The following SH3PXD2B variants were observed in gnomAD, a reference collection of about 807,000 sequenced individuals.
SH3PXD2B encodes SH3 and PX domain-containing protein 2B.
A neutral mutation model predicts 73.1 loss-of-function variants in SH3PXD2B; 37 were observed. The ratio of observed to expected loss-of-function variants is 0.51; its 90% confidence interval spans 0.39 to 0.67. The LOEUF (loss-of-function observed/expected upper bound fraction) is 0.67. Among genes scored for constraint, SH3PXD2B ranks in the 30% least tolerant of loss-of-function variants. The pLI is 0.00. For missense variants in SH3PXD2B, 1,053 were observed against 1,197.8 expected (o/e 0.88, Z 1.78); for synonymous variants, 457 against 480.5 (o/e 0.95, Z 0.64).
chr5:172,397,640 C>T (rs973129928), intron 3 of SH3PXD2B, among the ~76,000 whole-genome samples: 13 of 152,330 alleles, frequency 8.5e-5, no homozygotes, highest in East Asian at 3.9e-4. Flanking sequence ...AAAGAACCTA[C>T]GTGAAATAAC....
intron 6 of SH3PXD2B, among the ~76,000 whole-genome samples, chr5:172,372,178 C>G (rs1368657118): frequency 6.6e-6 from 1 of 152,042 alleles, no homozygotes; most frequent in Non-Finnish European, 1.5e-5. Context: ...AATCTCATGT[C>G]GAACTGTAAT....
At chr5:172,390,658 G>A (rs545022152) in intron 4 of SH3PXD2B, among the ~76,000 whole-genome samples, 1 of 152,292 alleles carries the variant, frequency 6.6e-6, no homozygotes, top group East Asian at 1.9e-4. Flanking sequence ...CCAGTTGTTG[G>A]CTATTATGAA....
rs1333960017 is a variant in SH3PXD2B at position 172,439,673 on chromosome 5, T to A, written c.75+14605A>T. ...TGTAAAAACCAGGTATGTGTGTGCG[T>A]GCGTGCGCGCACGCGCGCGCACACA... On this transcript the variant is annotated intron_variant, in intron 1 of 12. Transcript: ENST00000311601. 7.4e-3 allele frequency among the ~76,000 whole-genome samples: 768 copies of A among 103,312 alleles called. 10 individuals carry two copies. The highest frequency in any genetic ancestry group is 0.043 in the African/African-American group (724 of 16,800). The allele number at this position is 103,312 out of a possible 152,430, so 67.8% of individuals were successfully genotyped here.
intron 2 of SH3PXD2B, among the ~76,000 whole-genome samples, chr5:172,419,531 G>A (rs940096248): frequency 6.6e-6 from 1 of 152,124 alleles, no homozygotes; most frequent in Non-Finnish European, 1.5e-5. Flanking sequence ...TGCTCACTGG[G>A]GGTTGCTCTT....
intron 5 of SH3PXD2B, among the ~76,000 whole-genome samples, chr5:172,378,549 G>A (rs1757870133): frequency 1.3e-5 from 2 of 152,290 alleles, no homozygotes; most frequent in African/African-American, 4.8e-5. Flanking sequence ...GAATCCAGGG[G>A]CCCAAGGAAT....
intron 1 of SH3PXD2B, 88 bp from the exon 2 acceptor site, chr5:172,422,584 C>G (rs1359776520): frequency 1.5e-5 from 19 of 1,282,980 alleles, no homozygotes; most frequent in Non-Finnish European, 2.0e-5. Context: ...GACTCAGAGT[C>G]AGAAAGACGT....
At chr5:172,395,347 G>T (rs1758270373) in intron 3 of SH3PXD2B, among the ~76,000 whole-genome samples, 1 of 152,216 alleles carries the variant, frequency 6.6e-6, no homozygotes, top group Non-Finnish European at 1.5e-5. Context: ...AAAGAGGACA[G>T]ATCCTTCCAG....
chr5:172,374,220 T>C (rs977105628), intron 5 of SH3PXD2B, among the ~76,000 whole-genome samples: 2 of 152,116 alleles, frequency 1.3e-5, no homozygotes, highest in Admixed American at 1.3e-4. Flanking sequence ...AGAAAGTGCT[T>C]GGCAGTAAGT....
chr5:172,425,450 A>C (rs981627976), intron 1 of SH3PXD2B, among the ~76,000 whole-genome samples: 1 of 152,154 alleles, frequency 6.6e-6, no homozygotes, highest in Admixed American at 6.5e-5. Flanking sequence ...AGCCTATCTG[A>C]GGAGGCAACC....
intron 3 of SH3PXD2B, among the ~76,000 whole-genome samples, chr5:172,402,675 A>G (rs900488786): frequency 2.6e-5 from 4 of 152,176 alleles, no homozygotes; most frequent in Admixed American, 6.5e-5. Context: ...GGTTCCCCCA[A>G]TAGGGGGAAT....
At chr5:172,357,802 T>C (rs191890578) in intron 8 of SH3PXD2B, among the ~76,000 whole-genome samples, 1 of 152,328 alleles carries the variant, frequency 6.6e-6, no homozygotes, top group East Asian at 1.9e-4. Flanking sequence ...AAAAACCATA[T>C]GTCAATGCTT....
chr5:172,389,109 G>GTT (rs1158403818), intron 4 of SH3PXD2B, among the ~76,000 whole-genome samples: 85 of 147,866 alleles, frequency 5.7e-4, no homozygotes, highest in African/African-American at 1.9e-3. Context: ...AGGCTGGAGT[G>GTT]TAATGGCATG....
chr5:172,346,049 TGAAGTAGGAGGTGACAGGGGA>T (rs1756990125), intron 12 of SH3PXD2B, 66 bp downstream of exon 12: 4 of 1,585,702 alleles, frequency 2.5e-6, no homozygotes, highest in East Asian at 2.2e-5. Context: ...ACCCACCCAG[TGAAGTAGGAGGTGACAGGGGA>T]GAAGTAGGAG....
At chr5:172,446,078 C>G (rs1759651613) in intron 1 of SH3PXD2B, among the ~76,000 whole-genome samples, 1 of 152,184 alleles carries the variant, frequency 6.6e-6, no homozygotes, top group Non-Finnish European at 1.5e-5. Context: ...ATGCCAGCTC[C>G]ACCCAGGGGC....
At chr5:172,439,692 GCACACACACACACACACACACACACACA>G (rs367799974) in intron 1 of SH3PXD2B, among the ~76,000 whole-genome samples, 14 of 138,542 alleles carry the variant, frequency 1.0e-4, no homozygotes, top group Non-Finnish European at 1.9e-4. Flanking sequence ...GCACGCGCGC[GCACACACACACACACACACACACACACA>G]CACACACACA....
chr5:172,439,679 C>T (rs111591179), intron 1 of SH3PXD2B, among the ~76,000 whole-genome samples: 25 of 92,698 alleles, frequency 2.7e-4, no homozygotes, highest in Middle Eastern at 4.6e-3. Flanking sequence ...TGCGTGCGTG[C>T]GCGCACGCGC....
chr5:172,441,465 A>T (rs1298872215), intron 1 of SH3PXD2B, among the ~76,000 whole-genome samples: 1 of 152,214 alleles, frequency 6.6e-6, no homozygotes, highest in African/African-American at 2.4e-5. Context: ...GCGAGGGTAC[A>T]AGCAGTTAAT....
chr5:172,443,872 G>A (rs927556293), intron 1 of SH3PXD2B, among the ~76,000 whole-genome samples: 1 of 152,232 alleles, frequency 6.6e-6, no homozygotes, highest in Non-Finnish European at 1.5e-5. Context: ...GACGGAGGTC[G>A]GGGCTGGGAA....
intron 2 of SH3PXD2B, among the ~76,000 whole-genome samples, chr5:172,414,027 G>A (rs754050982): frequency 6.6e-6 from 1 of 152,208 alleles, no homozygotes; most frequent in Non-Finnish European, 1.5e-5. Flanking sequence ...CCCTAGACCT[G>A]TCCTCAGAAA....
Sources: allele counts gnomAD v4.1 joint callset (sites outside exome capture counted in the v4.1 genomes callset), GRCh38; gene constraint gnomAD v4.1.1; transcripts MANE v1.5; gene names NCBI Gene and HGNC (gene_info 2026-07-23, HGNC 2026-07-21).